Variants in LUZP2 observed in about 807,000 individuals in gnomAD.
LUZP2 encodes the protein leucine zipper protein 2.
A neutral mutation model predicts 51.6 loss-of-function variants in LUZP2; 52 were observed. That is an observed-to-expected ratio of 1.01 (90% CI 0.81 to 1.27). LUZP2 has a LOEUF of 1.27. Ranked by LOEUF, LUZP2 falls within the 50% of genes most tolerant of loss-of-function variation. The pLI, the probability that LUZP2 is intolerant of heterozygous loss-of-function variation, is 0.00. For missense variants in LUZP2, 436 were observed against 395.4 expected (o/e 1.10, Z -0.87); for synonymous variants, 154 against 137.3 (o/e 1.12, Z -0.85).
At chr11:24,911,590 G>A (rs1033330969) in intron 6 of LUZP2, among the ~76,000 whole-genome samples, 6 of 152,096 alleles carry the variant, frequency 3.9e-5, no homozygotes, top group African/African-American at 1.4e-4. Flanking sequence ...CTTCCACCAT[G>A]ATTATAAGTG....
At position 24,563,681 on chromosome 11, in the gene LUZP2, T is replaced by G. The variant is rs146353544; in HGVS notation, c.62+66376T>G. ...ATCTCAACCTCAATTTTAGAGAAAC[T>G]AATTCATCTTTCTTAGCATAGGAAA... is the stretch of plus-strand genomic sequence containing the variant. On this transcript the variant is annotated intron_variant, in intron 1 of 11. Coordinates refer to ENST00000336930, the MANE Select transcript of LUZP2 (RefSeq NM_001009909.4). Among the ~76,000 whole-genome samples, 1,289 of 152,194 alleles carry G rather than the reference T, an allele frequency of 8.5e-3. 20 individuals are homozygous for G. Among genetic ancestry groups the G allele is most frequent in the African/African-American group, 0.03 (1,233 of 41,538 alleles).
intron 1 of LUZP2, among the ~76,000 whole-genome samples, chr11:24,682,786 A>T (rs894506006): frequency 1.3e-5 from 2 of 151,856 alleles, no homozygotes; most frequent in African/African-American, 4.8e-5. Context: ...CAGGTGGATC[A>T]CGAGATCAAG....
chr11:24,664,906 G>T (rs1856161854), intron 1 of LUZP2, among the ~76,000 whole-genome samples: 2 of 152,110 alleles, frequency 1.3e-5, no homozygotes, highest in Admixed American at 1.3e-4. Flanking sequence ...GGGAAATATG[G>T]GGTTGGAACT....
intron 9 of LUZP2, among the ~76,000 whole-genome samples, chr11:25,040,414 A>G (rs549322077): frequency 4.8e-5 from 7 of 144,800 alleles, no homozygotes; most frequent in African/African-American, 1.9e-4. Context: ...ATCTGATTTC[A>G]AGAGGGAACT....
chr11:24,867,456 A>G (rs1851933840), intron 5 of LUZP2, among the ~76,000 whole-genome samples: 1 of 152,040 alleles, frequency 6.6e-6, no homozygotes, highest in South Asian at 2.1e-4. Flanking sequence ...GTTATTGATC[A>G]CGCTCTGCCT....
At position 24,983,200 on chromosome 11, in the gene LUZP2, C is replaced by G. The variant is rs150916734; in HGVS notation, c.672C>G (p.Pro224=). Reference sequence around the variant, plus strand: ...CTGTTTTCCGTGATCAGCCTCCTCCCCCTTTGAGTTTAATCACATCAAATC... The same window carrying G: ...CTGTTTTCCGTGATCAGCCTCCTCCGCCTTTGAGTTTAATCACATCAAATC... ...LTSVFRDQPP[P]PLSLITSNPT... Residue 224 remains proline, a synonymous_variant, in exon 9 of 12, where the codon CCC becomes CCG. Coordinates refer to ENST00000336930, the MANE Select transcript of LUZP2 (RefSeq NM_001009909.4). 104 of 1,612,164 alleles carry G rather than the reference C, an allele frequency of 6.5e-5. No individual in the cohort carries two copies. Among genetic ancestry groups the G allele is most frequent in the Middle Eastern group, 1.6e-4 (1 of 6,072 alleles).
chr11:24,605,428 A>G (rs576455665), intron 1 of LUZP2, among the ~76,000 whole-genome samples: 151 of 151,876 alleles, frequency 9.9e-4, no homozygotes, highest in Admixed American at 2.7e-3. Flanking sequence ...TTAAAAACAA[A>G]ACAAAACCCC....
intron 1 of LUZP2, among the ~76,000 whole-genome samples, chr11:24,720,986 T>C (rs1858248249): frequency 6.6e-6 from 1 of 152,182 alleles, no homozygotes; most frequent in African/African-American, 2.4e-5. Context: ...ACCTGTTCTC[T>C]TTATTTTCTT....
chr11:24,912,017 A>C (rs1853650269), intron 6 of LUZP2, among the ~76,000 whole-genome samples: 1 of 152,146 alleles, frequency 6.6e-6, no homozygotes, highest in Non-Finnish European at 1.5e-5. Flanking sequence ...GAAACCATAA[A>C]TTCTTGCTGC....
At chr11:24,538,517 A>T (rs1038279626) in intron 1 of LUZP2, among the ~76,000 whole-genome samples, 2 of 151,692 alleles carry the variant, frequency 1.3e-5, no homozygotes, top group East Asian at 3.9e-4. Context: ...TACACCTTAA[A>T]TATGTTACTT....
At chr11:24,747,230 A>G (rs1203113880) in intron 4 of LUZP2, among the ~76,000 whole-genome samples, 1 of 152,154 alleles carries the variant, frequency 6.6e-6, no homozygotes, top group Non-Finnish European at 1.5e-5. Flanking sequence ...CTTTTGTCCC[A>G]TGGGGTATTC....
intron 4 of LUZP2, among the ~76,000 whole-genome samples, chr11:24,757,567 G>T (rs1230252017): frequency 6.6e-6 from 1 of 151,772 alleles, no homozygotes; most frequent in Non-Finnish European, 1.5e-5. Context: ...AAAAGCAGAA[G>T]CTCAAACTCA....
In LUZP2 at chr11:24,808,282, A is replaced by G. The variant is rs115169551; in HGVS notation, c.396+44974A>G. On this transcript the variant is annotated intron_variant, in intron 5 of 11. Transcript: ENST00000336930. ...TTGGGTTTTAGACAGTGTAAATTCTAATAAAGTTTAACTCATGCTTTTGTG... is the reference window on the plus strand; with the variant it reads ...TTGGGTTTTAGACAGTGTAAATTCTGATAAAGTTTAACTCATGCTTTTGTG... Among the ~76,000 whole-genome samples the G allele has an allele frequency of 3.2e-3, 486 of 152,260 alleles. 4 individuals carry two copies. The highest frequency in any genetic ancestry group is 0.011 in the African/African-American group (458 of 41,560).
intron 1 of LUZP2, among the ~76,000 whole-genome samples, chr11:24,640,613 G>T (rs891153406): frequency 6.6e-6 from 1 of 151,842 alleles, no homozygotes; most frequent in Non-Finnish European, 1.5e-5. Context: ...ACTAAACTGT[G>T]AAAAATATCG....
chr11:24,625,426 C>CT (rs1260926250), intron 1 of LUZP2, among the ~76,000 whole-genome samples: 1 of 151,526 alleles, frequency 6.6e-6, no homozygotes, highest in Non-Finnish European at 1.5e-5. Context: ...AAAGAAAATG[C>CT]TAACTATATA....
chr11:24,647,014 T>C (rs1002830410), intron 1 of LUZP2, among the ~76,000 whole-genome samples: 35 of 152,186 alleles, frequency 2.3e-4, no homozygotes, highest in Middle Eastern at 3.4e-3. Flanking sequence ...CCAGTAGAAG[T>C]ATTATTTATT....
intron 7 of LUZP2, among the ~76,000 whole-genome samples, chr11:24,914,780 A>G (rs1031238694): frequency 6.6e-6 from 1 of 152,156 alleles, no homozygotes; most frequent in Non-Finnish European, 1.5e-5. Context: ...AGTGTATAAA[A>G]CAAATCCTGG....
chr11:24,976,964 G>A (rs770909276), intron 8 of LUZP2, among the ~76,000 whole-genome samples: 32 of 151,662 alleles, frequency 2.1e-4, no homozygotes, highest in Non-Finnish European at 3.5e-4. Context: ...ATGCTTTAAA[G>A]CATCAACTAA....
At chr11:24,549,333 C>G (rs1851654993) in intron 1 of LUZP2, among the ~76,000 whole-genome samples, 1 of 152,068 alleles carries the variant, frequency 6.6e-6, no homozygotes, top group Admixed American at 6.6e-5. Context: ...TGGAAGGTCT[C>G]CATGGGCATC....
Sources: gnomAD v4.1 joint callset for allele counts (sites outside exome capture counted in the v4.1 genomes callset) on GRCh38, gnomAD v4.1.1 for gene constraint, MANE v1.5 for transcripts, NCBI Gene and HGNC (gene_info 2026-07-23, HGNC 2026-07-21) for gene names.